Variants in ASB15 observed in about 807,000 individuals in gnomAD.
ASB15 encodes ankyrin repeat and SOCS box protein 15.
A neutral mutation model predicts 58.0 loss-of-function variants in ASB15; 54 were observed. That is an observed-to-expected ratio of 0.93 (90% confidence interval 0.75 to 1.17). ASB15 has a LOEUF of 1.17. ASB15 is among the 50% of genes most tolerant of loss of function. The pLI is 0.00. For missense variants in ASB15, 680 were observed against 707.4 expected (o/e 0.96, Z 0.44); for synonymous variants, 249 against 262.4 (o/e 0.95, Z 0.50).
intron 7 of ASB15, 99 bp from the exon 8 acceptor site, chr7:123,624,470 C>A: frequency 8.5e-7 from 1 of 1,172,854 alleles, no homozygotes; most frequent in Non-Finnish European, 1.2e-6. Flanking sequence ...AAGTTACTAG[C>A]TAGTATCTAT....
At chr7:123,593,520 T>C (rs1402647876) in intron 1 of ASB15, among the ~76,000 whole-genome samples, 2 of 152,194 alleles carry the variant, frequency 1.3e-5, no homozygotes, top group Non-Finnish European at 2.9e-5. Flanking sequence ...TATTTCTCCT[T>C]CACTTACAAA....
intron 2 of ASB15, among the ~76,000 whole-genome samples, chr7:123,606,878 T>C (rs1200871415): frequency 1.3e-5 from 2 of 152,224 alleles, no homozygotes; most frequent in Non-Finnish European, 2.9e-5. Context: ...TGTTTCTATA[T>C]CTTGGCTGCC....
chr7:123,639,407 TAATG>T lies in ASB15; in HGVS notation c.*2430_*2433del, dbSNP rs1802542299. ...GTATTGTTACCTAAAAATATTACTC[TAATG>T]AATAAAAAATCATATTGAGGTTATA... is the stretch of plus-strand genomic sequence containing the variant. On this transcript the variant is annotated 3_prime_UTR_variant, in exon 12 of 12. Transcript: ENST00000451215. The T allele has an allele frequency of 6.6e-6, 1 of 152,212 alleles. No individual in the cohort carries two copies. Among genetic ancestry groups the T allele is most frequent in the Non-Finnish European group, 1.5e-5 (1 of 68,022 alleles). The allele number at this position is 152,212 out of a possible 1,614,324, so 9.4% of individuals were successfully genotyped here.
At chr7:123,573,454 G>A (rs368749530) in intron 1 of ASB15, among the ~76,000 whole-genome samples, 1 of 151,890 alleles carries the variant, frequency 6.6e-6, no homozygotes, top group African/African-American at 2.4e-5. Context: ...TTTATTTCTT[G>A]TCTTGGGGCC....
chr7:123,614,749 A>G (rs1800689326), intron 4 of ASB15, 140 bp downstream of exon 4: 1 of 673,072 alleles, frequency 1.5e-6, no homozygotes, highest in Admixed American at 2.8e-5. Flanking sequence ...ACAGCTTTCC[A>G]AGGGCCACTG....
At chr7:123,618,419 G>C (rs1196125679) in intron 7 of ASB15, among the ~76,000 whole-genome samples, 2 of 152,334 alleles carry the variant, frequency 1.3e-5, no homozygotes, top group African/African-American at 4.8e-5. Context: ...TGGCACGTGA[G>C]ATCACTGGGT....
chr7:123,614,613 G>A lies in ASB15; in HGVS notation c.107+4G>A. 1 of 1,571,492 alleles carries A rather than the reference G, an allele frequency of 6.4e-7. No homozygotes were observed. The highest frequency in any genetic ancestry group is 8.8e-7 in the Non-Finnish European group (1 of 1,142,784). On this transcript the variant is annotated splice_donor_region_variant and intron_variant, in intron 4 of 11. Coordinates refer to ENST00000451215, the MANE Select transcript of ASB15 (RefSeq NM_001290258.2). ...AGACTGCACTTTGTCCTGAAAGGTA[G>A]TATTCAAACCAACTATCCTCAGCAA...
At chr7:123,570,094 G>A (rs953569547) in intron 1 of ASB15, among the ~76,000 whole-genome samples, 1 of 142,996 alleles carries the variant, frequency 7.0e-6, no homozygotes, top group African/African-American at 2.6e-5. Context: ...GCTTGCAGTG[G>A]CACGATCTCG....
chr7:123,582,265 T>C (rs1799255686), intron 1 of ASB15, among the ~76,000 whole-genome samples: 2 of 151,494 alleles, frequency 1.3e-5, no homozygotes, highest in Non-Finnish European at 2.9e-5. Context: ...TGTGTGACAA[T>C]GGGAGATGGG....
At chr7:123,584,871 GAGTCAATATTTTAAATATGTAAA>G (rs1799334817) in intron 1 of ASB15, 1 of 151,842 alleles carries the variant, frequency 6.6e-6, no homozygotes, top group South Asian at 2.1e-4. Context: ...TCCTGGGTGA[GAGTCAATATTTTAAATATGTAAA>G]AATATTGAAC....
At chr7:123,632,823 A>G (rs948117515) in intron 11 of ASB15, among the ~76,000 whole-genome samples, 5 of 152,338 alleles carry the variant, frequency 3.3e-5, no homozygotes, top group Middle Eastern at 3.4e-3. Flanking sequence ...AAAGATTTGA[A>G]ACTATAATAT....
chr7:123,611,131 C>T (rs1410005213), intron 3 of ASB15, among the ~76,000 whole-genome samples: 1 of 148,610 alleles, frequency 6.7e-6, no homozygotes, highest in African/African-American at 2.5e-5. Flanking sequence ...TTTCTCTAGA[C>T]TGAGAAGTGG....
intron 1 of ASB15, among the ~76,000 whole-genome samples, chr7:123,575,913 A>T (rs1202997135): frequency 1.3e-5 from 2 of 150,444 alleles, no homozygotes; most frequent in Non-Finnish European, 3.0e-5. Flanking sequence ...GTGTCCTGTA[A>T]GTATTTAGAT....
chr7:123,603,061 T>C (rs1386714582), intron 1 of ASB15, among the ~76,000 whole-genome samples: 1 of 152,206 alleles, frequency 6.6e-6, no homozygotes, highest in Non-Finnish European at 1.5e-5. Flanking sequence ...CAATAGATAT[T>C]AGTTATAATA....
chr7:123,627,403 G>T, intron 9 of ASB15, 122 bp downstream of exon 9: 3 of 711,904 alleles, frequency 4.2e-6, no homozygotes, highest in East Asian at 3.2e-5. Flanking sequence ...TAATCTTCAG[G>T]TTTTGATGCT....
intron 10 of ASB15, 69 bp from the exon 11 acceptor site, chr7:123,629,896 TA>T: frequency 9.2e-7 from 1 of 1,083,672 alleles, no homozygotes; most frequent in Non-Finnish European, 1.3e-6. Flanking sequence ...AATTTTTCCA[TA>T]ACACAATTGA....
At chr7:123,611,545 C>T (rs562383308) in intron 3 of ASB15, among the ~76,000 whole-genome samples, 11 of 152,158 alleles carry the variant, frequency 7.2e-5, no homozygotes, top group Admixed American at 4.6e-4. Context: ...ACCCACCCGC[C>T]TTGGCCTCCC....
chr7:123,594,536 C>G (rs1437288210), intron 1 of ASB15, among the ~76,000 whole-genome samples: 1 of 152,136 alleles, frequency 6.6e-6, no homozygotes, highest in Non-Finnish European at 1.5e-5. Context: ...AACAGACAGG[C>G]CCCTCAGCTG....
intron 7 of ASB15, chr7:123,621,277 A>G (rs995247936): frequency 6.6e-6 from 1 of 152,198 alleles, no homozygotes; most frequent in South Asian, 2.1e-4. Flanking sequence ...ATATTTTAAA[A>G]ACTAAGTGGT....
Sources: gnomAD v4.1 joint callset for allele counts (sites outside exome capture counted in the v4.1 genomes callset) on GRCh38, gnomAD v4.1.1 for gene constraint, MANE v1.5 for transcripts, NCBI Gene and HGNC (gene_info 2026-07-23, HGNC 2026-07-21) for gene names.